CNTN5: variants seen among roughly 807,000 people sequenced by gnomAD.
CNTN5 encodes the protein contactin-5.
CNTN5 carries 77 observed loss-of-function variants against 129.1 expected under a neutral mutation model. The ratio of observed to expected loss-of-function variants is 0.60; its 90% CI spans 0.50 to 0.72. The LOEUF (loss-of-function observed/expected upper bound fraction) is 0.72. CNTN5 is among the 30% of genes least tolerant of loss of function. The pLI is 0.00. For missense variants in CNTN5, 1,478 were observed against 1,328.8 expected (o/e 1.11, Z -1.75); for synonymous variants, 509 against 465.6 (o/e 1.09, Z -1.20).
At position 99,691,753 on chromosome 11, in the gene CNTN5, C is replaced by G. The variant is rs139164297; in HGVS notation, c.56-127791C>G. On this transcript the variant is annotated intron_variant, in intron 3 of 24. Coordinates refer to ENST00000524871, the MANE Select transcript of CNTN5 (RefSeq NM_014361.4). ...TCTTGGGTGCAGAGTTTGTAGATATCTGTCGGATCCACTTGATCCAGAGCT... is the reference window on the plus strand; with the variant it reads ...TCTTGGGTGCAGAGTTTGTAGATATGTGTCGGATCCACTTGATCCAGAGCT... 3.0e-3 allele frequency among the ~76,000 whole-genome samples: 459 copies of G among 152,124 alleles called. 4 individuals are homozygous for G. The highest frequency in any genetic ancestry group is 0.019 in the South Asian group (89 of 4,808).
chr11:99,469,456 C>T (rs1267078787), intron 2 of CNTN5, among the ~76,000 whole-genome samples: 1 of 151,992 alleles, frequency 6.6e-6, no homozygotes, highest in Non-Finnish European at 1.5e-5. Flanking sequence ...TCATGGTTCT[C>T]TTTCTTGTTT....
At chr11:99,620,027 A>AAAAAG (rs777554959) in intron 3 of CNTN5, among the ~76,000 whole-genome samples, 2 of 129,046 alleles carry the variant, frequency 1.5e-5, no homozygotes, top group East Asian at 4.6e-4. Flanking sequence ...CTCCGTCTCA[A>AAAAAG]AAAAAAAAAA....
intron 21 of CNTN5, among the ~76,000 whole-genome samples, chr11:100,321,955 G>A (rs557485123): frequency 1.3e-4 from 20 of 152,132 alleles, no homozygotes; most frequent in Non-Finnish European, 2.1e-4. Flanking sequence ...TTTCTTGAGG[G>A]TTTTTGCATG....
intron 1 of CNTN5, among the ~76,000 whole-genome samples, chr11:99,318,384 T>A (rs186014213): frequency 9.6e-4 from 146 of 152,246 alleles, no homozygotes; most frequent in Admixed American, 2.0e-3. Flanking sequence ...TAGAACAACA[T>A]CCCTGGACAT....
chr11:99,599,634 C>A (rs944944386), intron 3 of CNTN5, among the ~76,000 whole-genome samples: 1 of 152,082 alleles, frequency 6.6e-6, no homozygotes, highest in Non-Finnish European at 1.5e-5. Flanking sequence ...TCCCTTCCTC[C>A]TGATATACCA....
chr11:99,348,814 C>T (rs966216551), intron 2 of CNTN5, among the ~76,000 whole-genome samples: 1 of 152,302 alleles, frequency 6.6e-6, no homozygotes, highest in East Asian at 1.9e-4. Flanking sequence ...TTGGTGTGCA[C>T]AGCACTAATA....
intron 8 of CNTN5, among the ~76,000 whole-genome samples, chr11:99,971,344 A>G (rs542337755): frequency 1.8e-3 from 281 of 152,184 alleles, no homozygotes; most frequent in African/African-American, 6.6e-3. Context: ...GGAGATCGTG[A>G]CCATCCTGGC....
chr11:99,102,395 C>G (rs532510176), intron 1 of CNTN5, among the ~76,000 whole-genome samples: 2 of 152,070 alleles, frequency 1.3e-5, no homozygotes, highest in African/African-American at 4.8e-5. Flanking sequence ...ATGGGTTTTT[C>G]TTTTTTACCA....
chr11:99,085,412 G>A (rs1865966551), intron 1 of CNTN5, among the ~76,000 whole-genome samples: 1 of 152,092 alleles, frequency 6.6e-6, no homozygotes, highest in African/African-American at 2.4e-5. Flanking sequence ...TGCAGCTTGA[G>A]ATCCTGAGTT....
In CNTN5 at chr11:100,317,291, G is replaced by A. The variant is rs981885108; in HGVS notation, c.2730+8823G>A. ...TGTATTTACTTTGTATGGGGGGGAGGAAATGTATATGTGTGAAGATGGACT... is the reference window on the plus strand; with the variant it reads ...TGTATTTACTTTGTATGGGGGGGAGAAAATGTATATGTGTGAAGATGGACT... On this transcript the variant is annotated intron_variant, in intron 21 of 24. Transcript: ENST00000524871. Among the ~76,000 whole-genome samples, 3 of 152,102 alleles carry A rather than the reference G, an allele frequency of 2.0e-5. No individual in the cohort carries two copies. The East Asian group carries it at 5.8e-4, about 29-fold the overall frequency.
intron 3 of CNTN5, among the ~76,000 whole-genome samples, chr11:99,628,446 C>G (rs1324724675): frequency 6.6e-6 from 1 of 151,988 alleles, no homozygotes; most frequent in East Asian, 1.9e-4. Context: ...GATCATGTTG[C>G]ATTATTTAAT....
intron 13 of CNTN5, among the ~76,000 whole-genome samples, chr11:100,102,214 C>T (rs1945246417): frequency 6.6e-6 from 1 of 151,890 alleles, no homozygotes; most frequent in Non-Finnish European, 1.5e-5. Context: ...TTCCCTTTTG[C>T]CACACCCACA....
intron 1 of CNTN5, among the ~76,000 whole-genome samples, chr11:99,231,175 G>A (rs1439670491): frequency 3.3e-5 from 5 of 152,082 alleles, no homozygotes; most frequent in African/African-American, 7.2e-5. Flanking sequence ...ACCCAGTAAC[G>A]GAATTGCTTA....
At chr11:100,129,522 G>A (rs1329448754) in intron 13 of CNTN5, among the ~76,000 whole-genome samples, 1 of 152,164 alleles carries the variant, frequency 6.6e-6, no homozygotes. Context: ...GCTTAGAAGT[G>A]TGAGTAAAGC....
At chr11:99,784,331 G>A (rs546907967) in intron 3 of CNTN5, among the ~76,000 whole-genome samples, 75 of 151,806 alleles carry the variant, frequency 4.9e-4, no homozygotes, top group Non-Finnish European at 9.7e-4. Flanking sequence ...CCAGGTGTGT[G>A]ATGTTCCCCT....
At chr11:99,395,632 A>T (rs1157367107) in intron 2 of CNTN5, among the ~76,000 whole-genome samples, 1 of 151,776 alleles carries the variant, frequency 6.6e-6, no homozygotes, top group Non-Finnish European at 1.5e-5. Context: ...TATGTCCAGG[A>T]TGGTACTCTG....
chr11:99,675,768 C>T (rs897685167), intron 3 of CNTN5, among the ~76,000 whole-genome samples: 7 of 151,990 alleles, frequency 4.6e-5, no homozygotes, highest in Non-Finnish European at 7.4e-5. Context: ...GGGAGGAAAA[C>T]GAGAGAAGGC....
intron 15 of CNTN5, among the ~76,000 whole-genome samples, chr11:100,202,898 A>C (rs967180898): frequency 6.6e-6 from 1 of 151,968 alleles, no homozygotes; most frequent in Admixed American, 6.6e-5. Flanking sequence ...TTAAAACTTC[A>C]TTGCCATGAA....
chr11:99,074,320 G>A (rs1016960734), intron 1 of CNTN5, among the ~76,000 whole-genome samples: 16 of 151,774 alleles, frequency 1.1e-4, no homozygotes, highest in African/African-American at 3.4e-4. Flanking sequence ...CTCCCATTCT[G>A]TAGGTTGCCT....
Sources: gnomAD v4.1 joint callset for allele counts (sites outside exome capture counted in the v4.1 genomes callset) on GRCh38, gnomAD v4.1.1 for gene constraint, MANE v1.5 for transcripts, NCBI Gene and HGNC (gene_info 2026-07-23, HGNC 2026-07-21) for gene names.